Variants in NPHP3 observed in about 807,000 individuals in gnomAD.
The protein encoded by NPHP3 is nephrocystin-3.
NPHP3 carries 123 observed loss-of-function variants against 171.9 expected under a neutral mutation model. The observed-to-expected ratio is 0.72, with a 90% confidence interval of 0.62 to 0.83. NPHP3 has a LOEUF of 0.83. NPHP3 is among the 40% of genes least tolerant of loss of function. The probability of loss-of-function intolerance (pLI) is 0.00; values close to 1 mark genes in which losing one functional copy is unlikely to be tolerated. For synonymous variants in NPHP3, 558 were observed against 579.2 expected, an observed-to-expected ratio of 0.96 and a Z score of 0.52; for missense variants, 1,506 against 1,591.9, an observed-to-expected ratio of 0.95 and a Z score of 0.92.
intron 19 of NPHP3, among the ~76,000 whole-genome samples, 193 bp from the exon 20 acceptor site, chr3:132,689,456 T>C (rs938810296): frequency 6.6e-6 from 1 of 152,212 alleles, no homozygotes; most frequent in African/African-American, 2.4e-5. Flanking sequence ...GCAGGTTATC[T>C]GACCTCTTAG....
intron 1 of NPHP3, 34 bp from the exon 2 acceptor site, chr3:132,719,864 AAT>A (rs760674910): frequency 2.0e-6 from 3 of 1,486,580 alleles, no homozygotes; most frequent in East Asian, 4.9e-5. Context: ...TCCTAACAAA[AAT>A]AGTCTTGCTC....
chr3:132,710,603 C>T (rs62292471), intron 6 of NPHP3, among the ~76,000 whole-genome samples: 14,371 of 152,240 alleles, frequency 0.094, 867 homozygotes, highest in Middle Eastern at 0.14. Context: ...GAGGGCCAAT[C>T]ATGAGCAAAG....
At chr3:132,699,203 A>T in intron 13 of NPHP3, 150 bp downstream of exon 13, 1 of 625,156 alleles carries the variant, frequency 1.6e-6, no homozygotes, top group East Asian at 2.9e-5. Context: ...TATAGATTGT[A>T]TTTTTTTTTC....
chr3:132,702,814 GA>G (rs1294168332), intron 9 of NPHP3, among the ~76,000 whole-genome samples: 1 of 152,172 alleles, frequency 6.6e-6, no homozygotes, highest in Non-Finnish European at 1.5e-5. Flanking sequence ...AAGGAGAAAA[GA>G]AAGTCTTGAT....
At chr3:132,688,589 G>C in intron 21 of NPHP3, 61 bp downstream of exon 21, 2 of 1,567,132 alleles carry the variant, frequency 1.3e-6, no homozygotes, top group Non-Finnish European at 1.8e-6. Context: ...TACCCTATAA[G>C]TACACTAAAA....
At chr3:132,697,677 T>C (rs929581428) in intron 13 of NPHP3, among the ~76,000 whole-genome samples, 1 of 152,200 alleles carries the variant, frequency 6.6e-6, no homozygotes, top group Non-Finnish European at 1.5e-5. Context: ...TATGAGTATC[T>C]ATGAGGAGTG....
At position 132,682,662 on chromosome 3, in the gene NPHP3, A is replaced by G. The variant is rs369229699; in HGVS notation, c.3812+41T>C. On this transcript the variant is annotated intron_variant, in intron 26 of 26. Coordinates refer to ENST00000337331, the MANE Select transcript of NPHP3 (RefSeq NM_153240.5). ...GCTATTCTAAGACAAAGCTACTTCG[A>G]ATAAAAGAGGCTGTATAAGGAAAGT... is the stretch of plus-strand genomic sequence containing the variant. 13 of 1,126,252 alleles carry G rather than the reference A, an allele frequency of 1.2e-5. No homozygotes were observed. The African/African-American group carries it at 1.8e-4, about 16-fold the overall frequency. The allele number at this position is 1,126,252 out of a possible 1,614,324, so 69.8% of individuals were successfully genotyped here. A position where few individuals can be genotyped will look rare whatever the true frequency, so the allele number is the denominator to read the frequency against.
In NPHP3 at chr3:132,719,696, G is replaced by C; in HGVS notation, c.519+9C>G. 6 of 1,536,842 alleles carry C rather than the reference G, an allele frequency of 3.9e-6. No individual in the cohort carries two copies. Among genetic ancestry groups the C allele is most frequent in the Non-Finnish European group, 5.3e-6 (6 of 1,136,862 alleles). On this transcript the variant is annotated intron_variant, in intron 2 of 26. Transcript: ENST00000337331. ...TGTTGCTTTGGGGGTAAAAATGTAAGGAATTTACCTTGAATTGCCTTTTAA... is the reference window on the plus strand; with the variant it reads ...TGTTGCTTTGGGGGTAAAAATGTAACGAATTTACCTTGAATTGCCTTTTAA...
intron 9 of NPHP3, among the ~76,000 whole-genome samples, chr3:132,703,898 A>T (rs916063781): frequency 6.6e-6 from 1 of 152,146 alleles, no homozygotes; most frequent in Non-Finnish European, 1.5e-5. Context: ...TACTATCCTT[A>T]TCAAGTTTCC....
intron 1 of NPHP3, among the ~76,000 whole-genome samples, chr3:132,720,090 G>C (rs924467099): frequency 6.6e-6 from 1 of 152,076 alleles, no homozygotes; most frequent in Admixed American, 6.5e-5. Context: ...TTGAAACACT[G>C]CATCAGCTCT....
intron 9 of NPHP3, among the ~76,000 whole-genome samples, chr3:132,701,903 G>C (rs1560009219): frequency 2.6e-5 from 4 of 152,160 alleles, no homozygotes; most frequent in Admixed American, 2.0e-4. Context: ...GCGGGCGCCT[G>C]TAGTCCCAGC....
intron 1 of NPHP3, 129 bp downstream of exon 1, chr3:132,721,834 G>C: frequency 1.8e-6 from 2 of 1,113,606 alleles, no homozygotes; most frequent in Non-Finnish European, 2.6e-6. Context: ...CAGACTCGAA[G>C]AGAATATGGC....
At position 132,680,654 on chromosome 3, in the gene NPHP3, T is replaced by C. The variant is rs1005849249; in HGVS notation, c.*1256A>G. ...ATTTTAAAACAGTGAAGTGTGGCTA[T>C]TACATATTTCACTTTTACAATCAAT... On this transcript the variant is annotated 3_prime_UTR_variant, in exon 27 of 27. Coordinates refer to ENST00000337331, the MANE Select transcript of NPHP3 (RefSeq NM_153240.5). The C allele has an allele frequency of 3.9e-5, 6 of 152,216 alleles. No homozygotes were observed. The highest frequency in any genetic ancestry group is 1.5e-5 in the Non-Finnish European group (1 of 68,032). 9.4% of individuals were successfully genotyped at this position (152,216 alleles called of 1,614,324 possible).
intron 8 of NPHP3, among the ~76,000 whole-genome samples, chr3:132,705,014 T>A (rs1939709055): frequency 6.6e-6 from 1 of 152,186 alleles, no homozygotes; most frequent in Non-Finnish European, 1.5e-5. Context: ...TCTCTAATAA[T>A]AAATCTTCAA....
rs1283225302 is a variant in NPHP3 at position 132,681,029 on chromosome 3, T to C, written c.*881A>G. ...TAGACAGAACAGAAAGCAGAGGGAC[T>C]GGACCAATCTGCTCAAGGAAAAGGT... On this transcript the variant is annotated 3_prime_UTR_variant, in exon 27 of 27. Transcript: ENST00000337331. 6.6e-6 allele frequency: 1 copy of C among 152,214 alleles called. No individual in the cohort carries two copies. Among genetic ancestry groups the C allele is most frequent in the Non-Finnish European group, 1.5e-5 (1 of 68,028 alleles). The allele number at this position is 152,214 out of a possible 1,614,324, so 9.4% of individuals were successfully genotyped here.
Position 132,705,749 on chromosome 3 carries a change from A to G in NPHP3, c.1341T>C (p.Ile447=). 7.2e-7 allele frequency: 1 copy of G among 1,390,516 alleles called. No homozygotes were observed. The highest frequency in any genetic ancestry group is 1.0e-6 in the Non-Finnish European group (1 of 978,354). The allele number at this position is 1,390,516 out of a possible 1,614,324, so 86.1% of individuals were successfully genotyped here. The part of the protein sequence containing the change: ...VYKTYICVEK[I]IKQDILGFEN... ...GAGAATGCATATTTACCTGTTTAAT[A>G]ATCTTTTCTACACAAATATAAGTTT... The change falls in exon 8 of 27, where the codon ATT becomes ATC. Residue 447 remains isoleucine (I), a synonymous_variant. Transcript: ENST00000337331.
chr3:132,699,074 G>A (rs78158688), intron 13 of NPHP3, among the ~76,000 whole-genome samples: 2 of 152,070 alleles, frequency 1.3e-5, no homozygotes, highest in Non-Finnish European at 2.9e-5. Flanking sequence ...TGTATTTTTT[G>A]TAGAGACAGG....
chr3:132,713,061 T>C, intron 6 of NPHP3, 65 bp downstream of exon 6: 1 of 824,622 alleles, frequency 1.2e-6, no homozygotes, highest in Non-Finnish European at 1.9e-6. Flanking sequence ...TTGAAGCTTA[T>C]TTGGCAAACT....
intron 25 of NPHP3, 92 bp downstream of exon 25, chr3:132,683,307 T>C: frequency 2.6e-6 from 3 of 1,137,044 alleles, no homozygotes; most frequent in Admixed American, 1.8e-5. Flanking sequence ...TTGTCTTTCA[T>C]TCTATTTAGT....
Sources: allele counts gnomAD v4.1 joint callset (sites outside exome capture counted in the v4.1 genomes callset), GRCh38; gene constraint gnomAD v4.1.1; transcripts MANE v1.5; gene names NCBI Gene and HGNC (gene_info 2026-07-23, HGNC 2026-07-21).